The following EXT1 variants were observed in gnomAD, a reference collection of about 807,000 sequenced individuals.
EXT1 encodes the protein exostosin glycosyltransferase 1, also known as exostosin-1.
A neutral mutation model predicts 82.5 loss-of-function variants in EXT1; 20 were observed. The observed-to-expected ratio is 0.24, with a 90% CI of 0.17 to 0.35. EXT1 has a LOEUF of 0.35. EXT1 is among the 10% of genes least tolerant of loss of function. The pLI, the probability that EXT1 is intolerant of heterozygous loss-of-function variation, is 1.00. For missense variants in EXT1, 757 were observed against 936.5 expected, an observed-to-expected ratio of 0.81 and a Z score of 2.50; for synonymous variants, 348 against 350.8, an observed-to-expected ratio of 0.99 and a Z score of 0.09.
At chr8:117,849,837 G>GC (rs1237979291) in intron 1 of EXT1, among the ~76,000 whole-genome samples, 37 of 152,304 alleles carry the variant, frequency 2.4e-4, no homozygotes, top group African/African-American at 8.4e-4. Flanking sequence ...GATGTCAAAG[G>GC]CCTGGCATTG....
intron 5 of EXT1, among the ~76,000 whole-genome samples, chr8:117,821,301 G>A (rs1015784642): frequency 7.9e-5 from 12 of 152,306 alleles, no homozygotes; most frequent in African/African-American, 2.9e-4. Context: ...GTTTTGCCGA[G>A]TAAGAAGAAT....
chr8:117,811,861 G>A (rs193250099), intron 8 of EXT1, among the ~76,000 whole-genome samples: 162 of 152,206 alleles, frequency 1.1e-3, no homozygotes, highest in Admixed American at 2.6e-3. Flanking sequence ...TGGTCTGCCC[G>A]CCTCAGCCTC....
chr8:117,882,055 C>T (rs998241090), intron 1 of EXT1, among the ~76,000 whole-genome samples: 1 of 152,130 alleles, frequency 6.6e-6, no homozygotes, highest in Non-Finnish European at 1.5e-5. Context: ...CAGACAAAAC[C>T]AAGTGAGCTA....
intron 1 of EXT1, among the ~76,000 whole-genome samples, chr8:118,076,677 T>C (rs1313470862): frequency 1.3e-5 from 2 of 152,352 alleles, no homozygotes; most frequent in African/African-American, 4.8e-5. Flanking sequence ...TGAGCTCCTA[T>C]TACAAAGAAG....
At chr8:117,870,508 G>GATCT (rs200789463) in intron 1 of EXT1, among the ~76,000 whole-genome samples, 8,090 of 152,226 alleles carry the variant, frequency 0.053, 520 homozygotes, top group African/African-American at 0.16. Flanking sequence ...GTCTGATGTT[G>GATCT]ATCTTGGGTG....
chr8:118,023,911 A>G (rs998472504), intron 1 of EXT1, among the ~76,000 whole-genome samples: 4 of 152,204 alleles, frequency 2.6e-5, no homozygotes, highest in African/African-American at 9.6e-5. Context: ...TCACCCTCAC[A>G]TTGTGGCTCC....
At chr8:117,920,605 T>C (rs1813837177) in intron 1 of EXT1, among the ~76,000 whole-genome samples, 2 of 152,320 alleles carry the variant, frequency 1.3e-5, no homozygotes, top group South Asian at 4.1e-4. Flanking sequence ...GGACTGCTGC[T>C]TTCTTACTAG....
chr8:118,102,689 G>GTA (rs1475132062), intron 1 of EXT1, among the ~76,000 whole-genome samples: 1 of 152,110 alleles, frequency 6.6e-6, no homozygotes, highest in Non-Finnish European at 1.5e-5. Flanking sequence ...AAACATATAG[G>GTA]TATATATATG....
chr8:117,915,855 C>CAAACAAAACAAAACA (rs60869745), intron 1 of EXT1, among the ~76,000 whole-genome samples: 11,288 of 148,768 alleles, frequency 0.076, 557 homozygotes, highest in Non-Finnish European at 0.1. Context: ...GACTCTGTCT[C>CAAACAAAACAAAACA]AAACAAAACA....
At chr8:117,858,884 A>G (rs113961332) in intron 1 of EXT1, among the ~76,000 whole-genome samples, 23,826 of 115,868 alleles carry the variant, frequency 0.21, 3,645 homozygotes, top group Middle Eastern at 0.3. Flanking sequence ...AAAGAAAGAA[A>G]GAAAGAAAGA....
rs1186563531 is a variant in EXT1 at position 118,110,924 on chromosome 8, G to A, written c.123C>T (p.Ser41=). 22 of 1,613,816 alleles carry A rather than the reference G, an allele frequency of 1.4e-5. No homozygotes were observed. The highest frequency in any genetic ancestry group is 6.7e-5 in the East Asian group (3 of 44,882). ...SRSHSRREEH[S]GRNGLHHPSP... Reference sequence around the variant, plus strand: ...TGGGGTGGTGCAAGCCATTCCTACCGCTGTGTTCTTCTCTCCGGCTGTGGC... The same window carrying A: ...TGGGGTGGTGCAAGCCATTCCTACCACTGTGTTCTTCTCTCCGGCTGTGGC... The change falls in exon 1 of 11, where the codon AGC becomes AGT. Residue 41 remains serine, a synonymous_variant. Transcript: ENST00000378204.
At chr8:117,809,945 C>A (rs1823295336) in intron 8 of EXT1, among the ~76,000 whole-genome samples, 1 of 152,154 alleles carries the variant, frequency 6.6e-6, no homozygotes, top group Non-Finnish European at 1.5e-5. Flanking sequence ...CTACAGAACC[C>A]AATGGGGTGT....
At chr8:117,988,746 G>A (rs553342292) in intron 1 of EXT1, among the ~76,000 whole-genome samples, 30 of 152,268 alleles carry the variant, frequency 2.0e-4, no homozygotes, top group African/African-American at 7.0e-4. Context: ...GATAGTAGAG[G>A]CAATGGACGC....
intron 1 of EXT1, among the ~76,000 whole-genome samples, chr8:117,840,030 T>G (rs1812249203): frequency 6.6e-6 from 1 of 152,196 alleles, no homozygotes; most frequent in African/African-American, 2.4e-5. Context: ...AAGAAGTCTG[T>G]GGCCACTCTC....
intron 1 of EXT1, among the ~76,000 whole-genome samples, chr8:118,082,040 C>T (rs535690345): frequency 3.3e-5 from 5 of 152,228 alleles, no homozygotes; most frequent in East Asian, 3.9e-4. Context: ...AGTATAAAAA[C>T]GATCAAGTCC....
intron 4 of EXT1, among the ~76,000 whole-genome samples, chr8:117,823,204 C>T (rs151301366): frequency 7.2e-5 from 11 of 152,228 alleles, no homozygotes; most frequent in Admixed American, 6.5e-4. Context: ...AGTGAGTTAA[C>T]AATTGCTTAA....
chr8:118,077,812 C>T (rs952421575), intron 1 of EXT1, among the ~76,000 whole-genome samples: 3 of 152,126 alleles, frequency 2.0e-5, no homozygotes, highest in African/African-American at 7.2e-5. Flanking sequence ...TTTATATTTT[C>T]ATTAACAACA....
rs549659209 is a variant in EXT1 at position 117,915,047 on chromosome 8, C to T, written c.963-77846G>A. On this transcript the variant is annotated intron_variant, in intron 1 of 10. Transcript: ENST00000378204. ...ATGAAAAACTTGCTGGTTTGAGGCT[C>T]AGGTGGGCATCACGGTCCTACCAAT... Among the ~76,000 whole-genome samples the T allele has an allele frequency of 7.2e-5, 11 of 152,272 alleles. No homozygotes were observed. In the East Asian group the frequency reaches 1.7e-3, roughly 24 times the overall value.
At chr8:117,925,720 A>G (rs865976399) in intron 1 of EXT1, among the ~76,000 whole-genome samples, 65 of 149,396 alleles carry the variant, frequency 4.4e-4, no homozygotes, top group East Asian at 7.9e-4. Context: ...AAAAAAAAAA[A>G]AAAGAAAGAA....
Sources: allele counts gnomAD v4.1 joint callset (sites outside exome capture counted in the v4.1 genomes callset), GRCh38; gene constraint gnomAD v4.1.1; transcripts MANE v1.5; gene names NCBI Gene and HGNC (gene_info 2026-07-23, HGNC 2026-07-21).